The following LSR variants were observed in gnomAD, a reference collection of about 807,000 sequenced individuals.
LSR encodes the protein lipolysis-stimulated lipoprotein receptor.
Under a neutral mutation model 61.8 loss-of-function variants are expected in LSR, and 44 were observed. The observed-to-expected ratio is 0.71, with a 90% confidence interval of 0.56 to 0.91. The LOEUF (loss-of-function observed/expected upper bound fraction) is 0.91. Ranked by LOEUF, LSR falls within the 40% of genes least tolerant of loss-of-function variation. LSR has a pLI of 0.00. For missense variants in LSR, 911 were observed against 830.5 expected, an observed-to-expected ratio of 1.10 and a Z score of -1.19; for synonymous variants, 397 against 350.6, an observed-to-expected ratio of 1.13 and a Z score of -1.48.
chr19:35,267,382 G>T lies in LSR; in HGVS notation c.1418G>T (p.Arg473Leu). The T allele has an allele frequency of 6.2e-7, 1 of 1,602,370 alleles. No homozygotes were observed. The highest frequency in any genetic ancestry group is 2.3e-5 in the East Asian group (1 of 44,414). Residue 473 changes from arginine (R) to leucine (L), a missense_variant, in exon 9 of 10, where the codon CGG becomes CTG. Arg to Leu is a moderately radical substitution (Grantham distance 102, BLOSUM62 -2). Transcript: ENST00000605618. ...RSPTSNGGRS[R>L]AYMPPRSRSR... is the part of the protein sequence containing the mutation. ...CCCACGAGTAATGGTGGGAGAAGCC[G>T]GGCCTACATGCCCCCGCGGAGCCGC... is the stretch of plus-strand genomic sequence containing the variant.
At chr19:35,265,530 G>A (rs1467276332) in intron 5 of LSR, among the ~76,000 whole-genome samples, 1 of 152,204 alleles carries the variant, frequency 6.6e-6, no homozygotes, top group Non-Finnish European at 1.5e-5. Context: ...AATCAGAGGT[G>A]AGGCACCCTC....
At chr19:35,251,774 C>G (rs1471426171) in intron 2 of LSR, 1 of 151,872 alleles carries the variant, frequency 6.6e-6, no homozygotes, top group Non-Finnish European at 1.5e-5. Context: ...TTACCTTGTT[C>G]AAATGGGTGC....
In LSR at chr19:35,267,337, C is replaced by T. The variant is rs2066026216; in HGVS notation, c.1373C>T (p.Ala458Val). ...GACGACCTCACCCCGCCGAGCACCG[C>T]CGAGTCAGGGAGCAGGTCTCCCACG... is the stretch of plus-strand genomic sequence containing the variant. ...ALDDLTPPST[A>V]ESGSRSPTSN... Residue 458 changes from alanine to valine, a missense_variant, in exon 9 of 10, where the codon GCC (alanine) becomes GTC (valine). Transcript: ENST00000605618. 11 of 1,572,460 alleles carry T rather than the reference C, an allele frequency of 7.0e-6. No individual in the cohort carries two copies. Among genetic ancestry groups the T allele is most frequent in the African/African-American group, 2.7e-5 (2 of 73,940 alleles).
Position 35,249,008 on chromosome 19 carries a change from G to A in LSR, c.-15G>A, listed in dbSNP as rs367748265. Reference sequence around the variant, plus strand: ...TGGAAGGGACGCGCGGGCCAGACGCGCCCAGACGGCCGCGATGGCGCTGTT... The same window carrying A: ...TGGAAGGGACGCGCGGGCCAGACGCACCCAGACGGCCGCGATGGCGCTGTT... On this transcript the variant is annotated 5_prime_UTR_variant, in exon 1 of 10. Coordinates refer to ENST00000605618, the MANE Select transcript of LSR (RefSeq NM_205834.4). 19 of 1,609,044 alleles carry A rather than the reference G, an allele frequency of 1.2e-5. No individual in the cohort carries two copies. In the Admixed American group the frequency reaches 1.4e-4, roughly 11 times the overall value.
chr19:35,267,261 G>C lies in LSR; in HGVS notation c.1297G>C (p.Gly433Arg), dbSNP rs2066022685. Residue 433 changes from glycine to arginine, a missense_variant, in exon 9 of 10, where the codon GGC (glycine) becomes CGC (arginine). Physicochemically the swap from Gly to Arg is moderately radical, Grantham distance 125 (BLOSUM62 -2). Transcript: ENST00000605618. ...CCAGGAGCCCGCCAGGGAGCAGGCA[G>C]GCGGGGGCTGGCGGGCCAGGCGGCC... is the stretch of plus-strand genomic sequence containing the variant. The part of the protein sequence containing the change: ...WDQEPAREQA[G>R]GGWRARRPRA... The C allele has an allele frequency of 6.6e-7, 1 of 1,515,668 alleles. No individual in the cohort carries two copies. Among genetic ancestry groups the C allele is most frequent in the Non-Finnish European group, 8.8e-7 (1 of 1,132,378 alleles). The allele number at this position is 1,515,668 out of a possible 1,614,324, so 93.9% of individuals were successfully genotyped here.
rs758034301 is a variant in LSR at position 35,249,013 on chromosome 19, G to T, written c.-10G>T. 5.0e-6 allele frequency: 8 copies of T among 1,608,368 alleles called. No individual in the cohort carries two copies. In the South Asian group the frequency reaches 7.7e-5, roughly 16 times the overall value. ...GGGACGCGCGGGCCAGACGCGCCCA[G>T]ACGGCCGCGATGGCGCTGTTGGCCG... is the stretch of plus-strand genomic sequence containing the variant. On this transcript the variant is annotated 5_prime_UTR_variant, in exon 1 of 10. Transcript: ENST00000605618.
At chr19:35,253,085 C>T (rs112396276) in intron 2 of LSR, among the ~76,000 whole-genome samples, 9 of 151,978 alleles carry the variant, frequency 5.9e-5, no homozygotes, top group Middle Eastern at 3.2e-3. Flanking sequence ...TTTGGGAGGC[C>T]GAGGTGGGTG....
At chr19:35,249,687 C>T (rs1422533545) in intron 1 of LSR, among the ~76,000 whole-genome samples, 1 of 152,142 alleles carries the variant, frequency 6.6e-6, no homozygotes, top group Non-Finnish European at 1.5e-5. Flanking sequence ...TTGAAACCGA[C>T]TTCTGCTGGC....
intron 5 of LSR, chr19:35,264,189 G>A (rs1046560398): frequency 1.3e-5 from 2 of 152,072 alleles, no homozygotes; most frequent in Admixed American, 1.3e-4. Flanking sequence ...CTATGTCTAG[G>A]GTCGTATCTA....
At chr19:35,263,365 ATTTT>A (rs991158302) in intron 5 of LSR, among the ~76,000 whole-genome samples, 1 of 151,628 alleles carries the variant, frequency 6.6e-6, no homozygotes, top group Non-Finnish European at 1.5e-5. Flanking sequence ...AGCAAAAAAA[ATTTT>A]TTTTGTTTTA....
At chr19:35,250,224 T>A in intron 1 of LSR, 91 bp from the exon 2 acceptor site, 1 of 812,716 alleles carries the variant, frequency 1.2e-6, no homozygotes, top group Non-Finnish European at 2.0e-6. Context: ...ACCACATACT[T>A]GCGAGTGTCA....
At chr19:35,255,348 G>A (rs1359004307) in intron 2 of LSR, among the ~76,000 whole-genome samples, 2 of 152,092 alleles carry the variant, frequency 1.3e-5, no homozygotes, top group Non-Finnish European at 1.5e-5. Flanking sequence ...AATGATGGAC[G>A]AAGAGGGCAT....
At chr19:35,250,760 G>C in intron 2 of LSR, 101 bp downstream of exon 2, 1 of 848,152 alleles carries the variant, frequency 1.2e-6, no homozygotes, top group Non-Finnish European at 1.8e-6. Context: ...GCTCTTGAGT[G>C]CCAGTGTCTG....
intron 9 of LSR, 37 bp downstream of exon 9, chr19:35,267,771 G>A: frequency 4.3e-6 from 7 of 1,613,420 alleles, no homozygotes; most frequent in South Asian, 1.1e-5. Flanking sequence ...GACCGTCCCT[G>A]GGCCCCCAGC....
At chr19:35,259,844 C>T (rs1273597619) in intron 3 of LSR, among the ~76,000 whole-genome samples, 2 of 152,234 alleles carry the variant, frequency 1.3e-5, no homozygotes, top group Admixed American at 6.5e-5. Flanking sequence ...GCAGCTGAAA[C>T]GAAGCCGATT....
chr19:35,252,101 TG>T (rs936123112), intron 2 of LSR, among the ~76,000 whole-genome samples: 5 of 151,782 alleles, frequency 3.3e-5, no homozygotes, highest in African/African-American at 9.7e-5. Flanking sequence ...CCCAAAGTGC[TG>T]GGATTACAGG....
chr19:35,267,210 T>C lies in LSR; in HGVS notation c.1246T>C (p.Ser416Pro). The change falls in exon 9 of 10, where the codon TCC becomes CCC. Residue 416 changes from serine (S) to proline (P), a missense_variant. Physicochemically the swap from Ser to Pro is moderately conservative, Grantham distance 74. Transcript: ENST00000605618. Reference sequence around the variant, plus strand: ...CCGGGATGAGGAGTGGGGTGGCCACTCCCCCCGGAGTCCCAGGGGATGGGA... The same window carrying C: ...CCGGGATGAGGAGTGGGGTGGCCACCCCCCCCGGAGTCCCAGGGGATGGGA... Reference protein sequence around the residue: ...PIRDEEWGGHSPRSPRGWDQE... With the variant: ...PIRDEEWGGHPPRSPRGWDQE... 6.6e-7 allele frequency: 1 copy of C among 1,519,094 alleles called. No individual in the cohort carries two copies. Among genetic ancestry groups the C allele is most frequent in the Non-Finnish European group, 8.8e-7 (1 of 1,136,598 alleles). The allele number at this position is 1,519,094 out of a possible 1,614,324, so 94.1% of individuals were successfully genotyped here.
intron 1 of LSR, 93 bp from the exon 2 acceptor site, chr19:35,250,222 C>T (rs774835188): frequency 8.8e-5 from 71 of 804,372 alleles, no homozygotes; most frequent in Non-Finnish European, 1.2e-4. Flanking sequence ...AAACCACATA[C>T]TTGCGAGTGT....
Position 35,261,999 on chromosome 19 carries a change from T to C in LSR, c.631+18T>C. 1 of 1,520,772 alleles carries C rather than the reference T, an allele frequency of 6.6e-7. No homozygotes were observed. Among genetic ancestry groups the C allele is most frequent in the Non-Finnish European group, 8.7e-7 (1 of 1,145,412 alleles). 94.2% of individuals were successfully genotyped at this position (1,520,772 alleles called of 1,614,324 possible). A position where few individuals can be genotyped will look rare whatever the true frequency, so the allele number is the denominator to read the frequency against. On this transcript the variant is annotated intron_variant, in intron 4 of 9. Coordinates refer to ENST00000605618, the MANE Select transcript of LSR (RefSeq NM_205834.4). The stretch of plus-strand genomic sequence containing the variant: ...CATAGAAGGTACGGGGGGTGGATCC[T>C]GAGTTGGGCTTCTCGGGAGCTCCCA...
Sources: gnomAD v4.1 joint callset for allele counts (sites outside exome capture counted in the v4.1 genomes callset) on GRCh38, gnomAD v4.1.1 for gene constraint, MANE v1.5 for transcripts, NCBI Gene and HGNC (gene_info 2026-07-23, HGNC 2026-07-21) for gene names.